N4BP2: variants seen among roughly 807,000 people sequenced by gnomAD.
N4BP2 encodes NEDD4-binding protein 2.
A neutral mutation model predicts 152.8 loss-of-function variants in N4BP2; 91 were observed. The observed-to-expected ratio is 0.60, with a 90% CI of 0.50 to 0.71. The LOEUF (loss-of-function observed/expected upper bound fraction) is 0.71. Among genes scored for constraint, N4BP2 ranks in the 30% least tolerant of loss-of-function variants. N4BP2 has a pLI of 0.00. For missense variants in N4BP2, 1,923 were observed against 2,059.1 expected (o/e 0.93, Z 1.28); for synonymous variants, 646 against 705.3 (o/e 0.92, Z 1.33).
the N4BP2 span, among the ~76,000 whole-genome samples, chr4:40,184,896 C>T: frequency 6.6e-6 from 1 of 151,986 alleles, no homozygotes; most frequent in Non-Finnish European, 1.5e-5. Flanking sequence ...GCGGAGGTTG[C>T]AGTGAGCCGA....
chr4:40,085,878 C>G (rs1001114964), intron 2 of N4BP2, among the ~76,000 whole-genome samples: 1 of 152,022 alleles, frequency 6.6e-6, no homozygotes, highest in Non-Finnish European at 1.5e-5. Flanking sequence ...GAAATATAAT[C>G]TAGCTAAGTG....
intron 1 of N4BP2, among the ~76,000 whole-genome samples, chr4:40,062,313 C>T (rs988209148): frequency 1.6e-4 from 24 of 152,150 alleles, no homozygotes; most frequent in South Asian, 6.2e-4. Flanking sequence ...CTCCTGACTT[C>T]GTGATCCTCC....
the N4BP2 span, among the ~76,000 whole-genome samples, chr4:40,190,421 T>A: frequency 5.3e-5 from 8 of 152,186 alleles, no homozygotes; most frequent in African/African-American, 1.9e-4. Flanking sequence ...TGATTTTAAA[T>A]TTTCTGTGTC....
the N4BP2 span, among the ~76,000 whole-genome samples, chr4:40,178,059 C>G: frequency 4.6e-5 from 7 of 152,076 alleles, no homozygotes; most frequent in Non-Finnish European, 8.8e-5. Flanking sequence ...ACTCAGGAGG[C>G]TGAGGCAGGA....
chr4:40,103,962 CT>C (rs200903507), intron 4 of N4BP2, among the ~76,000 whole-genome samples: 14 of 148,998 alleles, frequency 9.4e-5, no homozygotes, highest in Non-Finnish European at 7.5e-5. Flanking sequence ...TATGCTAGTT[CT>C]TTTTTTTTTG....
chr4:40,071,765 C>T (rs1383084713), intron 1 of N4BP2, among the ~76,000 whole-genome samples: 4 of 152,134 alleles, frequency 2.6e-5, no homozygotes, highest in Admixed American at 6.6e-5. Context: ...GAAGTTTCGC[C>T]ATATTGGCCA....
chr4:40,144,851 T>A, intron 16 of N4BP2, 51 bp downstream of exon 16: 1 of 1,470,176 alleles, frequency 6.8e-7, no homozygotes, highest in Non-Finnish European at 9.2e-7. Context: ...TCTTTGCTTA[T>A]ATTGGTATAG....
At position 40,102,198 on chromosome 4, in the gene N4BP2, A is replaced by G; in HGVS notation, c.353A>G (p.Glu118Gly). ...GGTGCAGCAGAAAGTAAAATAATGG[A>G]AAAACGTCCTGAAGAAGAGAGTGAA... ...QVGAAESKIMEKRPEEESEDS... is the reference protein window; with the variant it reads ...QVGAAESKIMGKRPEEESEDS... The change falls in exon 4 of 18, where the codon GAA becomes GGA. Residue 118 changes from glutamate to glycine, a missense_variant. Physicochemically the swap from Glu to Gly is moderately conservative, Grantham distance 98 (BLOSUM62 -2). Coordinates refer to ENST00000261435, the MANE Select transcript of N4BP2 (RefSeq NM_018177.6). 6.2e-7 allele frequency: 1 copy of G among 1,613,824 alleles called. No individual in the cohort carries two copies. The highest frequency in any genetic ancestry group is 1.1e-5 in the South Asian group (1 of 91,058).
chr4:40,086,814 C>CA (rs1245464946), intron 2 of N4BP2, among the ~76,000 whole-genome samples: 14 of 152,006 alleles, frequency 9.2e-5, no homozygotes, highest in Non-Finnish European at 2.1e-4. Context: ...GTGGTGCGAT[C>CA]AGAGCTCACT....
At chr4:40,117,841 C>T in intron 7 of N4BP2, 28 bp from the exon 8 acceptor site, 1 of 1,573,130 alleles carries the variant, frequency 6.4e-7, no homozygotes, top group Non-Finnish European at 8.6e-7. Flanking sequence ...AATATTCCTT[C>T]AACCCTTTTT....
intron 2 of N4BP2, among the ~76,000 whole-genome samples, chr4:40,083,824 G>C (rs138211226): frequency 6.6e-6 from 1 of 152,178 alleles, no homozygotes; most frequent in African/African-American, 2.4e-5. Context: ...GAATTTTATG[G>C]TTTACATATT....
At chr4:40,188,228 T>C in the N4BP2 span, among the ~76,000 whole-genome samples, 1 of 152,162 alleles carries the variant, frequency 6.6e-6, no homozygotes, top group Non-Finnish European at 1.5e-5. Context: ...AGCCACAGCC[T>C]GAAGTCAAGG....
At chr4:40,065,858 C>T (rs929310020) in intron 1 of N4BP2, among the ~76,000 whole-genome samples, 3 of 151,388 alleles carry the variant, frequency 2.0e-5, no homozygotes, top group African/African-American at 4.9e-5. Flanking sequence ...ATGATACATG[C>T]GCAGTTACTG....
rs780051010 is a variant in N4BP2, at chr4:40,137,116, A to G, written c.4785+34A>G. ...TTACTAATTTTTTTTCTACAAGGGT[A>G]GATAATTGCATATAAAAATATAATT... On this transcript the variant is annotated intron_variant, in intron 14 of 17. Coordinates refer to ENST00000261435, the MANE Select transcript of N4BP2 (RefSeq NM_018177.6). The G allele has an allele frequency of 2.7e-6, 4 of 1,498,692 alleles. No individual in the cohort carries two copies. In the African/African-American group the frequency reaches 5.6e-5, roughly 21 times the overall value. The allele number at this position is 1,498,692 out of a possible 1,614,324, so 92.8% of individuals were successfully genotyped here. A position where few individuals can be genotyped will look rare whatever the true frequency, so the allele number is the denominator to read the frequency against.
chr4:40,111,986 C>A, intron 5 of N4BP2, 98 bp from the exon 6 acceptor site: 1 of 662,554 alleles, frequency 1.5e-6, no homozygotes, highest in Non-Finnish European at 2.6e-6. Context: ...AAAATTAGCA[C>A]ATCATGATTT....
chr4:40,170,823 G>A, the N4BP2 span, among the ~76,000 whole-genome samples: 2 of 152,120 alleles, frequency 1.3e-5, no homozygotes, highest in Non-Finnish European at 2.9e-5. Flanking sequence ...AATATGTCAT[G>A]GGCCATTTAA....
At chr4:40,088,734 A>G (rs1293044840) in intron 2 of N4BP2, among the ~76,000 whole-genome samples, 3 of 152,118 alleles carry the variant, frequency 2.0e-5, no homozygotes, top group Admixed American at 6.6e-5. Flanking sequence ...TCCTGACCTC[A>G]GTTGATCTGC....
At chr4:40,189,617 G>A in the N4BP2 span, among the ~76,000 whole-genome samples, 103 of 152,194 alleles carry the variant, frequency 6.8e-4, no homozygotes, top group Middle Eastern at 0.017. The surrounding 1 kb of genome is among the most constrained non-coding windows in gnomAD (Gnocchi z 4.3). Context: ...GGCGAGGCGC[G>A]GTGGCTCACG....
intron 2 of N4BP2, among the ~76,000 whole-genome samples, chr4:40,093,671 C>T (rs28829300): frequency 0.17 from 25,203 of 151,956 alleles, 2,177 homozygotes; most frequent in Middle Eastern, 0.22. Flanking sequence ...GGCTGGAGTG[C>T]AATGGCACTG....
Sources: allele counts gnomAD v4.1 joint callset (sites outside exome capture counted in the v4.1 genomes callset), GRCh38; gene constraint gnomAD v4.1.1; non-coding constraint Gnocchi (gnomAD v3.1); transcripts MANE v1.5; gene names NCBI Gene and HGNC (gene_info 2026-07-23, HGNC 2026-07-21).